Variants in ENGASE observed in about 807,000 individuals in gnomAD.
ENGASE encodes the protein endo-beta-N-acetylglucosaminidase.
In ENGASE, 69 loss-of-function variants were observed where a neutral mutation model predicts 78.5. The ratio of observed to expected loss-of-function variants is 0.88; its 90% CI spans 0.72 to 1.07. The LOEUF is 1.07. Among genes scored for constraint, ENGASE ranks in the 50% least tolerant of loss-of-function variants. ENGASE has a pLI of 0.00. For synonymous variants in ENGASE, 408 were observed against 408.9 expected (o/e 1.00, Z 0.03); for missense variants, 943 against 988.4 (o/e 0.95, Z 0.62).
chr17:79,080,907 C>T lies in ENGASE; in HGVS notation c.724-18C>T, dbSNP rs1444179542. ...ATCTGGGGCTCACTGAGGCTCTCAC[C>T]TTGTTCTTCTCTTTCAGCTGGCCGC... On this transcript the variant is annotated intron_variant, in intron 5 of 13. Transcript: ENST00000579016. The T allele has an allele frequency of 1.9e-6, 3 of 1,604,684 alleles. No homozygotes were observed. The highest frequency in any genetic ancestry group is 2.6e-6 in the Non-Finnish European group (3 of 1,174,494).
At chr17:79,082,374 C>T in intron 7 of ENGASE, 1 of 1,281,018 alleles carries the variant, frequency 7.8e-7, no homozygotes, top group South Asian at 1.5e-5. Flanking sequence ...AGCTGCGTTC[C>T]TTGATCTTCC....
Position 79,085,328 on chromosome 17 carries a change from G to A in ENGASE, c.1686G>A (p.Gly562=). The A allele has an allele frequency of 6.2e-7, 1 of 1,611,226 alleles. No homozygotes were observed. Among genetic ancestry groups the A allele is most frequent in the Non-Finnish European group, 8.5e-7 (1 of 1,179,000 alleles). ...GCCGCTGCGGCCGGCAGCTGAGTGG[G>A]GGCTGGGTCCAGCAGTAAGTCCCTC... ...WVGRCGRQLS[G]GWVQHCYEVS... Residue 562 remains glycine, a synonymous_variant, in exon 12 of 14, where the codon GGG becomes GGA. Transcript: ENST00000579016.
chr17:79,083,164 G>T lies in ENGASE; in HGVS notation c.1142+41G>T. On this transcript the variant is annotated intron_variant, in intron 8 of 13. Coordinates refer to ENST00000579016, the MANE Select transcript of ENGASE (RefSeq NM_001042573.3). This position sits in a 1 kb window ranked among gnomAD's most constrained non-coding sequence, Gnocchi z 4.9. ...CTGGGTGCTTAGTGCAGGCTGATGG[G>T]AGGGAGGGGTTTCTGGTGTCTCTGA... The T allele has an allele frequency of 7.0e-7, 1 of 1,431,864 alleles. No homozygotes were observed. The allele number at this position is 1,431,864 out of a possible 1,614,324, so 88.7% of individuals were successfully genotyped here.
intron 3 of ENGASE, 72 bp downstream of exon 3, chr17:79,077,936 G>GGGGGGGGGGGGGGGGGGGGC: frequency 1.4e-6 from 1 of 721,532 alleles, no homozygotes. Flanking sequence ...GGAGGGGCGG[G>GGGGGGGGGGGGGGGGGGGGC]AGAGAGTGCC....
At chr17:79,081,158 C>T (rs1458450235) in intron 6 of ENGASE, 85 bp downstream of exon 6, 25 of 1,353,128 alleles carry the variant, frequency 1.8e-5, no homozygotes, top group African/African-American at 1.2e-4. Flanking sequence ...AAGGGGCGGG[C>T]GCAGTCTCCC....
intron 11 of ENGASE, among the ~76,000 whole-genome samples, 162 bp downstream of exon 11, chr17:79,084,848 A>G (rs1337905567): frequency 1.3e-5 from 2 of 152,144 alleles, no homozygotes; most frequent in Non-Finnish European, 1.5e-5. Context: ...AGGCCTGGAC[A>G]GGGAGGATTC....
intron 11 of ENGASE, 55 bp from the exon 12 acceptor site, chr17:79,085,179 C>T (rs2073258166): frequency 8.4e-6 from 12 of 1,436,108 alleles, no homozygotes; most frequent in Non-Finnish European, 1.2e-5. Context: ...TGGTCCTTCT[C>T]AGTGCCTTTT....
chr17:79,082,917 C>A (rs779619329), intron 7 of ENGASE, 103 bp from the exon 8 acceptor site: 42 of 1,572,318 alleles, frequency 2.7e-5, no homozygotes, highest in East Asian at 9.2e-5. Context: ...TTCCCCCTCC[C>A]GTTTCTGAGC....
At chr17:79,082,666 G>A (rs1224067308) in intron 7 of ENGASE, 7 of 1,311,738 alleles carry the variant, frequency 5.3e-6, no homozygotes. Flanking sequence ...CTTTAAATGA[G>A]TAAATTAATC....
rs1316612474 is a variant in ENGASE, at chr17:79,080,861, G to T, written c.724-64G>T. ...GCATCCCCCTGTCTGTCCAGCGCTG[G>T]ATACTTCTCATGATAGATAGATCTG... On this transcript the variant is annotated intron_variant, in intron 5 of 13. Transcript: ENST00000579016. The T allele has an allele frequency of 1.9e-6, 3 of 1,551,764 alleles. No individual in the cohort carries two copies. The Admixed American group carries it at 5.6e-5, about 29-fold the overall frequency.
Position 79,086,238 on chromosome 17 carries a change from C to T in ENGASE, c.2121C>T (p.Pro707=), listed in dbSNP as rs35037969. The change falls in exon 14 of 14, where the codon CCC becomes CCT. Residue 707 remains proline, a synonymous_variant. Transcript: ENST00000579016. ...ACCTGCTGGTGGAAGCCGCCGGGCC[C>T]GGCCAGGATCGTCGCATGGAATTTC... ...IVDLLVEAAG[P]GQDRRMEFLV... 0.02 allele frequency: 32,234 copies of T among 1,613,554 alleles called. 433 individuals are homozygous for T. The highest frequency in any genetic ancestry group is 0.022 in the Non-Finnish European group (26,038 of 1,180,044).
Position 79,086,015 on chromosome 17 carries a change from C to T in ENGASE, c.1898C>T (p.Ala633Val), listed in dbSNP as rs2073293266. 3 of 1,612,378 alleles carry T rather than the reference C, an allele frequency of 1.9e-6. No individual in the cohort carries two copies. Among genetic ancestry groups the T allele is most frequent in the Non-Finnish European group, 1.7e-6 (2 of 1,180,032 alleles). The change falls in exon 14 of 14, where the codon GCC becomes GTC. Residue 633 changes from alanine to valine, a missense_variant. Transcript: ENST00000579016. ...TCTCACATCCGCTGGCAGCCATCCG[C>T]CTCTGAGCGGGAGGGGCCCCCTGCT... is the stretch of plus-strand genomic sequence containing the variant. ...TISHIRWQPS[A>V]SEREGPPALL... is the part of the protein sequence containing the mutation.
chr17:79,083,938 A>T lies in ENGASE; in HGVS notation c.1429A>T (p.Asn477Tyr). The change falls in exon 10 of 14, where the codon AAT becomes TAT. Residue 477 changes from asparagine (N) to tyrosine (Y), a missense_variant. Physicochemically the swap from Asn to Tyr is moderately radical, Grantham distance 143. Transcript: ENST00000579016. This position sits in a 1 kb window ranked among gnomAD's most constrained non-coding sequence, Gnocchi z 4.9. ...GGGTGTGATCCCACCGGAGGTTGGAAATGTGGCTGTGAGGTGGGTGAGTGA... is the reference window on the plus strand; with the variant it reads ...GGGTGTGATCCCACCGGAGGTTGGATATGTGGCTGTGAGGTGGGTGAGTGA... ...VRGVIPPEVG[N>Y]VAVRLFSLQA... 1.2e-6 allele frequency: 2 copies of T among 1,609,834 alleles called. No individual in the cohort carries two copies. Among genetic ancestry groups the T allele is most frequent in the Non-Finnish European group, 1.7e-6 (2 of 1,179,588 alleles).
intron 10 of ENGASE, chr17:79,084,267 C>G (rs961730459): frequency 2.0e-6 from 1 of 508,208 alleles, no homozygotes; most frequent in Non-Finnish European, 3.4e-6. Context: ...AAAGCCACCC[C>G]TTTACTCTGC....
At chr17:79,080,149 T>C in intron 4 of ENGASE, 58 bp from the exon 5 acceptor site, 2 of 1,538,358 alleles carry the variant, frequency 1.3e-6, no homozygotes, top group Non-Finnish European at 1.7e-6. Context: ...CTTTGAAAAC[T>C]GTGGGTGGAG....
Position 79,083,692 on chromosome 17 carries a change from C to T in ENGASE, c.1252-69C>T. ...CAGGCACGGTGGTGGTCTTACCCTT[C>T]CCTGCCGCTCCGGGCACCCCTGCTC... is the stretch of plus-strand genomic sequence containing the variant. On this transcript the variant is annotated intron_variant, in intron 9 of 13. Coordinates refer to ENST00000579016, the MANE Select transcript of ENGASE (RefSeq NM_001042573.3). The surrounding 1 kb of genome is among the most constrained non-coding windows in gnomAD (Gnocchi z 4.9). The T allele has an allele frequency of 1.3e-6, 2 of 1,567,974 alleles. No homozygotes were observed. Among genetic ancestry groups the T allele is most frequent in the Non-Finnish European group, 1.7e-6 (2 of 1,147,066 alleles).
rs999239769 is a variant in ENGASE at position 79,074,929 on chromosome 17, G to A, written c.-16G>A. 3.2e-6 allele frequency: 4 copies of A among 1,260,180 alleles called. No individual in the cohort carries two copies. Among genetic ancestry groups the A allele is most frequent in the Non-Finnish European group, 4.0e-6 (4 of 1,002,202 alleles). 78.1% of individuals were successfully genotyped at this position (1,260,180 alleles called of 1,614,324 possible). A position where few individuals can be genotyped will look rare whatever the true frequency, so the allele number is the denominator to read the frequency against. On this transcript the variant is annotated 5_prime_UTR_variant, in exon 1 of 14. The change creates a new upstream start codon in the 5' untranslated region. Transcript: ENST00000579016. ...CCCGGGCCTGCGATTGCCTCTCGGCGTGCGCGGACAGTGTCATGGAGGCCG... is the reference window on the plus strand; with the variant it reads ...CCCGGGCCTGCGATTGCCTCTCGGCATGCGCGGACAGTGTCATGGAGGCCG...
intron 7 of ENGASE, 68 bp from the exon 8 acceptor site, chr17:79,082,952 C>A: frequency 6.3e-7 from 1 of 1,588,478 alleles, no homozygotes; most frequent in South Asian, 1.1e-5. Context: ...CAACCCACGT[C>A]ACTGGCGTCC....
At position 79,086,368 on chromosome 17, in the gene ENGASE, T is replaced by A; in HGVS notation, c.*19T>A. The A allele has an allele frequency of 6.3e-7, 1 of 1,597,696 alleles. No individual in the cohort carries two copies. The highest frequency in any genetic ancestry group is 8.5e-7 in the Non-Finnish European group (1 of 1,170,724). ...TGCATGAGCGGATGCTAAGGCCGGG[T>A]GGTCTCCTGGCCTCGGGCTGAGGCC... is the stretch of plus-strand genomic sequence containing the variant. On this transcript the variant is annotated 3_prime_UTR_variant, in exon 14 of 14. Coordinates refer to ENST00000579016, the MANE Select transcript of ENGASE (RefSeq NM_001042573.3).
Sources: gnomAD v4.1 joint callset for allele counts (sites outside exome capture counted in the v4.1 genomes callset) on GRCh38, gnomAD v4.1.1 for gene constraint, Gnocchi (gnomAD v3.1) non-coding constraint, MANE v1.5 for transcripts, NCBI Gene and HGNC (gene_info 2026-07-23, HGNC 2026-07-21) for gene names.